CPNE4: variants seen among roughly 807,000 people sequenced by gnomAD.
The protein encoded by CPNE4 is copine 4, also known as copine-4.
CPNE4 carries 25 observed loss-of-function variants against 67.9 expected under a neutral mutation model. The ratio of observed to expected loss-of-function variants is 0.37; its 90% CI spans 0.27 to 0.51. The LOEUF (loss-of-function observed/expected upper bound fraction) is 0.51, where lower values mean the gene tolerates loss of function less well. Ranked by LOEUF, CPNE4 falls within the 20% of genes least tolerant of loss-of-function variation. The pLI, the probability that CPNE4 is intolerant of heterozygous loss-of-function variation, is 0.93. For synonymous variants in CPNE4, 242 were observed against 244.9 expected (o/e 0.99, Z 0.11); for missense variants, 464 against 690.8 (o/e 0.67, Z 3.68).
rs184544601 is a variant in CPNE4 at position 131,683,329 on chromosome 3, C to G, written c.591+2546G>C. Among the ~76,000 whole-genome samples, 387 of 152,196 alleles carry G rather than the reference C, an allele frequency of 2.5e-3. 2 individuals carry two copies. Among genetic ancestry groups the G allele is most frequent in the African/African-American group, 9.1e-3 (378 of 41,520 alleles). ...CTACAACTGCTGATTATTTGGGGAC[C>G]AAGAGATTTTTATTCAGAAGGTAAT... On this transcript the variant is annotated intron_variant, in intron 6 of 15. Coordinates refer to ENST00000429747, the MANE Select transcript of CPNE4 (RefSeq NM_130808.3).
chr3:131,943,211 G>A (rs59634250), intron 1 of CPNE4, among the ~76,000 whole-genome samples: 2,742 of 152,202 alleles, frequency 0.018, 78 homozygotes, highest in African/African-American at 0.061. Flanking sequence ...TATTCCTACA[G>A]CAAAAATGTG....
At chr3:131,993,491 C>CAAAAAAAAAAAAAAAAAAAA (rs2073219770) in intron 1 of CPNE4, among the ~76,000 whole-genome samples, 3 of 26,102 alleles carry the variant, frequency 1.1e-4, no homozygotes, top group African/African-American at 5.6e-4. Context: ...AAAAAAAAAG[C>CAAAAAAAAAAAAAAAAAAAA]ATAGCTTTAG....
chr3:131,818,291 A>G (rs1413873343), intron 2 of CPNE4, among the ~76,000 whole-genome samples: 1 of 152,210 alleles, frequency 6.6e-6, no homozygotes, highest in East Asian at 1.9e-4. Flanking sequence ...ACAGGGAAAA[A>G]TAGAAGCTTC....
intron 2 of CPNE4, among the ~76,000 whole-genome samples, chr3:131,888,414 A>AG (rs2087979521): frequency 6.6e-6 from 1 of 151,888 alleles, no homozygotes; most frequent in African/African-American, 2.4e-5. Flanking sequence ...AAAAAAAAAA[A>AG]GTCTCTAGGA....
At chr3:131,607,316 A>C (rs761105323) in intron 7 of CPNE4, among the ~76,000 whole-genome samples, 1 of 151,818 alleles carries the variant, frequency 6.6e-6, no homozygotes, top group Non-Finnish European at 1.5e-5. Context: ...CTTATTTCCC[A>C]AGTAATTGAA....
intron 14 of CPNE4, among the ~76,000 whole-genome samples, chr3:131,548,485 G>A (rs1240121041): frequency 6.6e-6 from 1 of 152,052 alleles, no homozygotes; most frequent in Non-Finnish European, 1.5e-5. Context: ...TGGTGCGGGT[G>A]GGTGGGTTGG....
At chr3:131,787,950 G>C (rs1424047652) in intron 2 of CPNE4, among the ~76,000 whole-genome samples, 1 of 152,010 alleles carries the variant, frequency 6.6e-6, no homozygotes, top group Non-Finnish European at 1.5e-5. Flanking sequence ...TATCATTTTT[G>C]AGTAATTATT....
chr3:131,977,466 A>C (rs1363570941), intron 1 of CPNE4, among the ~76,000 whole-genome samples: 2 of 152,254 alleles, frequency 1.3e-5, no homozygotes, highest in South Asian at 4.2e-4. Flanking sequence ...CTGAAGTTGC[A>C]TCCTATGCTT....
chr3:131,803,032 C>CTATCCTCCA (rs2084187461), intron 2 of CPNE4, among the ~76,000 whole-genome samples: 1 of 152,144 alleles, frequency 6.6e-6, no homozygotes, highest in Admixed American at 6.6e-5. Flanking sequence ...GGAGGATTTT[C>CTATCCTCCA]TAAGTTATCT....
intron 1 of CPNE4, among the ~76,000 whole-genome samples, chr3:131,905,926 C>T (rs1459040433): frequency 1.3e-5 from 2 of 152,218 alleles, no homozygotes; most frequent in East Asian, 1.9e-4. Flanking sequence ...TATTTCCCAC[C>T]CCTAAAACTT....
chr3:131,581,745 TGAGGACAAACTGAACTG>T, intron 8 of CPNE4, 80 bp from the exon 9 acceptor site: 1 of 983,800 alleles, frequency 1.0e-6, no homozygotes, highest in Non-Finnish European at 1.6e-6. Context: ...TAGGTGCTGC[TGAGGACAAACTGAACTG>T]GAGGGCTGAC....
intron 1 of CPNE4, among the ~76,000 whole-genome samples, chr3:132,018,313 A>C (rs970497982): frequency 7.9e-5 from 12 of 152,174 alleles, no homozygotes; most frequent in Non-Finnish European, 1.6e-4. Context: ...TTCTGGTTAG[A>C]GAGTCCATAG....
Position 131,896,642 on chromosome 3 carries a change from T to C in CPNE4, c.180+8622A>G, listed in dbSNP as rs115367558. 9.2e-3 allele frequency among the ~76,000 whole-genome samples: 1,395 copies of C among 152,192 alleles called. 27 individuals carry two copies. The highest frequency in any genetic ancestry group is 0.032 in the African/African-American group (1,344 of 41,540). On this transcript the variant is annotated intron_variant, in intron 2 of 15. Transcript: ENST00000429747. The stretch of plus-strand genomic sequence containing the variant: ...TCACAAACCACATGACCATTCTTAA[T>C]GGAGTTATAGAAGGTATTAACAGAA...
chr3:131,677,243 A>G (rs1242004350), intron 6 of CPNE4, among the ~76,000 whole-genome samples: 1 of 151,248 alleles, frequency 6.6e-6, no homozygotes, highest in African/African-American at 2.4e-5. Context: ...TTATTATTAT[A>G]CTTTAAGTTT....
intron 7 of CPNE4, among the ~76,000 whole-genome samples, chr3:131,625,937 A>C (rs970982332): frequency 6.6e-6 from 1 of 152,112 alleles, no homozygotes; most frequent in Non-Finnish European, 1.5e-5. Context: ...CAATATTTCA[A>C]ACTTTCTCTT....
chr3:131,651,908 A>C (rs761862730), intron 7 of CPNE4, among the ~76,000 whole-genome samples: 9 of 152,196 alleles, frequency 5.9e-5, no homozygotes, highest in African/African-American at 2.2e-4. Context: ...AGTTGTTGGA[A>C]TACCTTGAGG....
intron 1 of CPNE4, among the ~76,000 whole-genome samples, chr3:131,978,769 T>C (rs1234473223): frequency 6.6e-6 from 1 of 151,026 alleles, no homozygotes; most frequent in Admixed American, 6.7e-5. Flanking sequence ...TCTAGCCCCT[T>C]GAGGTATGAC....
chr3:131,631,167 C>T (rs61636257), intron 7 of CPNE4, among the ~76,000 whole-genome samples: 1 of 152,130 alleles, frequency 6.6e-6, no homozygotes, highest in African/African-American at 2.4e-5. Context: ...AAAATTAAAT[C>T]CATTTTTTAT....
At chr3:131,694,689 G>A (rs2081109996) in intron 5 of CPNE4, among the ~76,000 whole-genome samples, 1 of 152,114 alleles carries the variant, frequency 6.6e-6, no homozygotes, top group Non-Finnish European at 1.5e-5. Context: ...GACTACCCCA[G>A]GACCACCAAG....
Sources: gnomAD v4.1 joint callset for allele counts (sites outside exome capture counted in the v4.1 genomes callset) on GRCh38, gnomAD v4.1.1 for gene constraint, MANE v1.5 for transcripts, NCBI Gene and HGNC (gene_info 2026-07-23, HGNC 2026-07-21) for gene names.